The following AKAP13 variants were observed in gnomAD, a reference collection of about 807,000 sequenced individuals.
AKAP13 encodes the protein A-kinase anchor protein 13.
In AKAP13, 80 loss-of-function variants were observed where a neutral mutation model predicts 264.5. The ratio of observed to expected loss-of-function variants is 0.30; its 90% CI spans 0.25 to 0.36. The LOEUF is 0.36. Among genes scored for constraint, AKAP13 ranks in the 10% least tolerant of loss-of-function variants. AKAP13 has a pLI of 1.00. For synonymous variants in AKAP13, 1,380 were observed against 1,250.2 expected (o/e 1.10, Z -2.19); for missense variants, 3,712 against 3,435.2 (o/e 1.08, Z -2.01).
chr15:85,680,884 C>T (rs756924896), intron 14 of AKAP13, among the ~76,000 whole-genome samples: 1 of 152,156 alleles, frequency 6.6e-6, no homozygotes, highest in Non-Finnish European at 1.5e-5. Context: ...GTGGCGCAAT[C>T]TCGGCTCACT....
At chr15:85,702,494 A>G (rs2085989679) in intron 17 of AKAP13, 2 of 152,118 alleles carry the variant, frequency 1.3e-5, no homozygotes, top group African/African-American at 4.8e-5. Context: ...GGATCTTCCC[A>G]GGAGTCGTAG....
intron 4 of AKAP13, among the ~76,000 whole-genome samples, chr15:85,539,519 G>A (rs139080797): frequency 6.6e-6 from 1 of 152,298 alleles, no homozygotes; most frequent in East Asian, 1.9e-4. Flanking sequence ...GGGATTGATG[G>A]GGTAGGAGAG....
At chr15:85,411,741 A>G (rs971512434) in intron 1 of AKAP13, among the ~76,000 whole-genome samples, 6 of 152,138 alleles carry the variant, frequency 3.9e-5, no homozygotes, top group African/African-American at 1.4e-4. Flanking sequence ...CCGGCCAACT[A>G]ACTGCTTTTT....
chr15:85,408,518 A>G lies in AKAP13; in HGVS notation c.-12+27720A>G, dbSNP rs553230770. Among the ~76,000 whole-genome samples, 107 of 151,664 alleles carry G rather than the reference A, an allele frequency of 7.1e-4. 4 individuals are homozygous for G. Among genetic ancestry groups the G allele is most frequent in the African/African-American group, 2.5e-3 (103 of 41,010 alleles). ...CCGTGTCCCTGGCAAATACTTTTCT[A>G]CTTCCTGTTTCTATGGATTTGACTA... On this transcript the variant is annotated intron_variant, in intron 1 of 36. Transcript: ENST00000394518.
chr15:85,693,476 G>C (rs9944183), intron 17 of AKAP13, 25 bp downstream of exon 17: 1 of 1,607,710 alleles, frequency 6.2e-7, no homozygotes, highest in Non-Finnish European at 8.5e-7. Flanking sequence ...TCTTCCTCTC[G>C]TAAGATGGAA....
chr15:85,396,480 C>T (rs778502323), intron 1 of AKAP13, among the ~76,000 whole-genome samples: 3 of 152,160 alleles, frequency 2.0e-5, no homozygotes, highest in Non-Finnish European at 4.4e-5. Flanking sequence ...TTGCTATTCT[C>T]TACATGCATT....
intron 13 of AKAP13, among the ~76,000 whole-genome samples, chr15:85,666,914 A>G (rs917895619): frequency 6.6e-6 from 1 of 152,102 alleles, no homozygotes; most frequent in African/African-American, 2.4e-5. Context: ...AATTCAAATT[A>G]TTTGCTTTTA....
chr15:85,507,859 C>T lies in AKAP13; in HGVS notation c.34-13569C>T, dbSNP rs376539940. Reference sequence around the variant, plus strand: ...CATCAGACTGGTGGTGCTCCCTGGGCACAGGTGGGCACCTGCTGGAAAAGT... The same window carrying T: ...CATCAGACTGGTGGTGCTCCCTGGGTACAGGTGGGCACCTGCTGGAAAAGT... On this transcript the variant is annotated intron_variant, in intron 2 of 36. Transcript: ENST00000394518. Among the ~76,000 whole-genome samples the T allele has an allele frequency of 8.5e-5, 13 of 152,340 alleles. No individual in the cohort carries two copies. In the Middle Eastern group the frequency reaches 0.017, roughly 199 times the overall value.
At chr15:85,603,829 C>T (rs753691368) in intron 8 of AKAP13, among the ~76,000 whole-genome samples, 4 of 152,212 alleles carry the variant, frequency 2.6e-5, no homozygotes, top group African/African-American at 7.2e-5. Context: ...TCTCAGGCCT[C>T]CTGTTATACT....
chr15:85,738,985 C>CT (rs368792201), intron 33 of AKAP13, among the ~76,000 whole-genome samples: 1 of 151,782 alleles, frequency 6.6e-6, no homozygotes, highest in Admixed American at 6.6e-5. Context: ...TCATATCTTG[C>CT]TTTTTTTCCT....
chr15:85,467,857 G>C (rs1301203471), intron 1 of AKAP13, among the ~76,000 whole-genome samples: 1 of 152,184 alleles, frequency 6.6e-6, no homozygotes, highest in African/African-American at 2.4e-5. Flanking sequence ...ATTAGATCCA[G>C]CAAGTTTGGT....
intron 1 of AKAP13, among the ~76,000 whole-genome samples, chr15:85,395,407 A>G (rs1713639014): frequency 1.3e-5 from 2 of 152,144 alleles, no homozygotes; most frequent in Non-Finnish European, 2.9e-5. Context: ...CCTCTTTGTA[A>G]CATGAAATAC....
intron 26 of AKAP13, among the ~76,000 whole-genome samples, chr15:85,725,405 AC>A: frequency 6.6e-6 from 1 of 152,174 alleles, no homozygotes; most frequent in Non-Finnish European, 1.5e-5. Context: ...GGGTGCAGGC[AC>A]CTGAATTATT....
intron 5 of AKAP13, among the ~76,000 whole-genome samples, chr15:85,560,402 C>T (rs1268190227): frequency 2.0e-5 from 3 of 152,108 alleles, no homozygotes; most frequent in Non-Finnish European, 4.4e-5. Flanking sequence ...TCACCTCAGC[C>T]TCCCAAAGTG....
rs1236203892 is a variant in AKAP13 at position 85,715,858 on chromosome 15, T to A, written c.5670T>A (p.Phe1890Leu). The A allele has an allele frequency of 6.2e-7, 1 of 1,613,482 alleles. No homozygotes were observed. The highest frequency in any genetic ancestry group is 8.5e-7 in the Non-Finnish European group (1 of 1,179,932). The change falls in exon 20 of 37, where the codon TTT (phenylalanine) becomes TTA (leucine). Residue 1890 changes from phenylalanine to leucine, a missense_variant. Physicochemically the swap from Phe to Leu is conservative, Grantham distance 22 (BLOSUM62 0). Coordinates refer to ENST00000394518, the MANE Select transcript of AKAP13 (RefSeq NM_007200.5). ...LVDETATTPI[F>L]ANRRSQQSVS... is the part of the protein sequence containing the mutation. ...ATGAAACCGCTACCACCCCAATATTTGCCAATAGACGATCCCAGCAGAGTG... is the reference window on the plus strand; with the variant it reads ...ATGAAACCGCTACCACCCCAATATTAGCCAATAGACGATCCCAGCAGAGTG...
chr15:85,681,282 TATACATGGAAATAGTTCTATAACTG>T (rs2084584285), intron 14 of AKAP13, among the ~76,000 whole-genome samples: 1 of 152,238 alleles, frequency 6.6e-6, no homozygotes, highest in Admixed American at 6.5e-5. Context: ...TTCCCTGGAA[TATACATGGAAATAGTTCTATAACTG>T]ATGTCCTGAA....
chr15:85,507,391 A>AAC (rs1050058196), intron 2 of AKAP13, among the ~76,000 whole-genome samples: 4 of 152,034 alleles, frequency 2.6e-5, no homozygotes, highest in African/African-American at 9.7e-5. Flanking sequence ...ACCAAAAAAA[A>AAC]AAAAAACATA....
At chr15:85,533,909 C>CT (rs1262497350) in intron 4 of AKAP13, 29 bp downstream of exon 4, 4 of 1,517,144 alleles carry the variant, frequency 2.6e-6, no homozygotes, top group African/African-American at 2.8e-5. Context: ...TACAAACACA[C>CT]TTTAAGTTTG....
rs2076540085 is a variant in AKAP13, at chr15:85,514,450, C to A, written c.34-6978C>A. On this transcript the variant is annotated intron_variant, in intron 2 of 36. Coordinates refer to ENST00000394518, the MANE Select transcript of AKAP13 (RefSeq NM_007200.5). ...GTTTTTTTGAGCACTTCATTGTTTT[C>A]TGTCAAAACAAGATATTACAGTCTC... 1.5e-5 allele frequency among the ~76,000 whole-genome samples: 2 copies of A among 137,712 alleles called. 1 individual carries two copies. Among genetic ancestry groups the A allele is most frequent in the African/African-American group, 5.9e-5 (2 of 34,064 alleles). 90.3% of individuals were successfully genotyped at this position (137,712 alleles called of 152,430 possible).
Sources: allele counts gnomAD v4.1 joint callset (sites outside exome capture counted in the v4.1 genomes callset), GRCh38; gene constraint gnomAD v4.1.1; transcripts MANE v1.5; gene names NCBI Gene and HGNC (gene_info 2026-07-23, HGNC 2026-07-21).